LPAR1: variants seen among roughly 807,000 people sequenced by gnomAD.
LPAR1 encodes LPA receptor 1.
LPAR1 carries 5 observed loss-of-function variants against 23.8 expected under a neutral mutation model. That is an observed-to-expected ratio of 0.21 (90% confidence interval 0.11 to 0.44). The LOEUF is 0.44. LPAR1 is among the 20% of genes least tolerant of loss of function. The pLI is 0.99. For synonymous variants in LPAR1, 160 were observed against 164.7 expected, an observed-to-expected ratio of 0.97 and a Z score of 0.22; for missense variants, 311 against 482.8, an observed-to-expected ratio of 0.64 and a Z score of 3.33.
chr9:111,030,068 A>T (rs950800338), intron 2 of LPAR1, among the ~76,000 whole-genome samples: 1 of 151,830 alleles, frequency 6.6e-6, no homozygotes, highest in Admixed American at 6.6e-5. Context: ...AAAAAAAAAA[A>T]AATTTAGTGT....
intron 5 of LPAR1, among the ~76,000 whole-genome samples, chr9:110,889,524 C>G (rs945816164): frequency 3.9e-5 from 6 of 152,126 alleles, no homozygotes; most frequent in African/African-American, 9.7e-5. Flanking sequence ...AATTCTAAAT[C>G]AGAAATTAGT....
intron 5 of LPAR1, among the ~76,000 whole-genome samples, chr9:110,935,576 C>G (rs934139639): frequency 2.6e-5 from 4 of 152,100 alleles, no homozygotes; most frequent in Admixed American, 2.6e-4. Flanking sequence ...ATCACTTGAG[C>G]TCACGAGTTC....
intron 4 of LPAR1, among the ~76,000 whole-genome samples, chr9:110,944,732 CT>C (rs1336281757): frequency 3.3e-5 from 5 of 152,262 alleles, no homozygotes; most frequent in African/African-American, 1.2e-4. Context: ...CAGATTTTCT[CT>C]AAAGGTAGAG....
At chr9:110,888,565 GAA>G (rs35200514) in intron 5 of LPAR1, among the ~76,000 whole-genome samples, 59,776 of 128,176 alleles carry the variant, frequency 0.47, 12,494 homozygotes, top group African/African-American at 0.56. Flanking sequence ...GAACCCAGCA[GAA>G]AAAAAAAAAA....
rs148674707 is a variant in LPAR1 at position 111,003,733 on chromosome 9, G to A, written c.-181-30175C>T. Among the ~76,000 whole-genome samples the A allele has an allele frequency of 2.5e-3, 381 of 152,088 alleles. 1 individual carries two copies. The highest frequency in any genetic ancestry group is 8.7e-3 in the African/African-American group (360 of 41,500). ...TCCTCCTCCACCATCCCAAGGAGCC[G>A]GACCATGAAAACCAAACCATTCTTT... On this transcript the variant is annotated intron_variant, in intron 2 of 5. Coordinates refer to ENST00000683809, the MANE Select transcript of LPAR1 (RefSeq NM_001351411.2).
intron 4 of LPAR1, among the ~76,000 whole-genome samples, chr9:110,961,386 C>T (rs1421022493): frequency 1.3e-5 from 2 of 151,562 alleles, no homozygotes; most frequent in African/African-American, 4.8e-5. Context: ...TTTGGGAGGC[C>T]GAGACGGGTG....
intron 5 of LPAR1, among the ~76,000 whole-genome samples, chr9:110,902,897 G>A (rs922549940): frequency 4.6e-5 from 7 of 152,160 alleles, no homozygotes; most frequent in Admixed American, 1.3e-4. Context: ...GGTAGCACCA[G>A]CAGACGCCAG....
intron 2 of LPAR1, among the ~76,000 whole-genome samples, chr9:110,978,181 A>G (rs2096599577): frequency 6.6e-6 from 1 of 152,212 alleles, no homozygotes; most frequent in Non-Finnish European, 1.5e-5. Context: ...TAGAGCAGGT[A>G]GCCATAGAAA....
chr9:111,021,420 T>A (rs955231630), intron 2 of LPAR1, among the ~76,000 whole-genome samples: 2 of 152,188 alleles, frequency 1.3e-5, no homozygotes, highest in Non-Finnish European at 2.9e-5. Flanking sequence ...GGTGTAGTCA[T>A]TAAAATTGAA....
intron 5 of LPAR1, among the ~76,000 whole-genome samples, chr9:110,891,349 T>C (rs1037130334): frequency 6.6e-6 from 1 of 152,192 alleles, no homozygotes; most frequent in Non-Finnish European, 1.5e-5. Context: ...TAAATGGAAC[T>C]AGTACCATAT....
intron 5 of LPAR1, among the ~76,000 whole-genome samples, chr9:110,909,227 C>T (rs1340902811): frequency 6.6e-6 from 1 of 152,242 alleles, no homozygotes; most frequent in Non-Finnish European, 1.5e-5. Flanking sequence ...AGCCTTCTTC[C>T]TTGGCAATGC....
At chr9:110,968,847 T>G (rs766095532) in intron 4 of LPAR1, among the ~76,000 whole-genome samples, 32 of 152,180 alleles carry the variant, frequency 2.1e-4, no homozygotes, top group Non-Finnish European at 4.3e-4. Context: ...TTCTGAGCTT[T>G]ATAGAAATTA....
intron 4 of LPAR1, among the ~76,000 whole-genome samples, chr9:110,966,457 C>CTG (rs1366474286): frequency 3.5e-5 from 5 of 142,650 alleles, no homozygotes; most frequent in Non-Finnish European, 6.0e-5. Context: ...CCAGCCTGGG[C>CTG]AACAGAGTGA....
chr9:110,909,564 G>A (rs777197365), intron 5 of LPAR1, among the ~76,000 whole-genome samples: 2 of 152,124 alleles, frequency 1.3e-5, no homozygotes, highest in African/African-American at 2.4e-5. Context: ...TGGCAGCCCT[G>A]TATCACACAA....
At chr9:110,883,857 T>C (rs1338775053) in intron 5 of LPAR1, among the ~76,000 whole-genome samples, 2 of 152,208 alleles carry the variant, frequency 1.3e-5, no homozygotes, top group East Asian at 3.9e-4. Context: ...GGCCTGCTTC[T>C]CAGCTTCCAC....
intron 2 of LPAR1, among the ~76,000 whole-genome samples, chr9:110,974,812 T>C (rs533870731): frequency 9.1e-4 from 138 of 152,312 alleles, no homozygotes; most frequent in African/African-American, 3.1e-3. Flanking sequence ...ACCTTTCTTT[T>C]TTCAAGATGA....
intron 2 of LPAR1, among the ~76,000 whole-genome samples, chr9:110,979,079 G>C (rs1489547506): frequency 2.6e-5 from 4 of 152,150 alleles, no homozygotes; most frequent in African/African-American, 9.6e-5. Context: ...TGCCAAGGGA[G>C]TGGATGTTAA....
rs541068206 is a variant in LPAR1 at position 110,895,872 on chromosome 9, C to T, written c.794-20150G>A. Among the ~76,000 whole-genome samples, 23 of 152,326 alleles carry T rather than the reference C, an allele frequency of 1.5e-4. No individual in the cohort carries two copies. The South Asian group carries it at 4.1e-3, about 27-fold the overall frequency. On this transcript the variant is annotated intron_variant, in intron 5 of 5. Coordinates refer to ENST00000683809, the MANE Select transcript of LPAR1 (RefSeq NM_001351411.2). Reference sequence around the variant, plus strand: ...AACCAGATGCAGCCCAGAGGAGCTTCATGTTGGCCCCACGTGAAGAATGGA... The same window carrying T: ...AACCAGATGCAGCCCAGAGGAGCTTTATGTTGGCCCCACGTGAAGAATGGA...
intron 4 of LPAR1, among the ~76,000 whole-genome samples, chr9:110,965,568 TGA>T (rs1287343756): frequency 1.3e-5 from 2 of 152,134 alleles, no homozygotes; most frequent in Non-Finnish European, 2.9e-5. Flanking sequence ...AAAACCACAA[TGA>T]GATACCATCT....
Sources: allele counts gnomAD v4.1 joint callset (sites outside exome capture counted in the v4.1 genomes callset), GRCh38; gene constraint gnomAD v4.1.1; transcripts MANE v1.5; gene names NCBI Gene and HGNC (gene_info 2026-07-23, HGNC 2026-07-21).